PLPPR4: variants seen among roughly 807,000 people sequenced by gnomAD.
The protein encoded by PLPPR4 is phospholipid phosphatase-related protein type 4.
PLPPR4 carries 24 observed loss-of-function variants against 56.6 expected under a neutral mutation model. The ratio of observed to expected loss-of-function variants is 0.42; its 90% CI spans 0.31 to 0.60. PLPPR4 has a LOEUF of 0.60. Among genes scored for constraint, PLPPR4 ranks in the 20% least tolerant of loss-of-function variants. The probability of loss-of-function intolerance (pLI) is 0.13; values close to 1 mark genes in which losing one functional copy is unlikely to be tolerated. For synonymous variants in PLPPR4, 326 were observed against 328.1 expected (o/e 0.99, Z 0.07); for missense variants, 654 against 885.8 (o/e 0.74, Z 3.32).
chr1:99,267,827 G>A (rs1450115871), intron 1 of PLPPR4, among the ~76,000 whole-genome samples: 1 of 152,200 alleles, frequency 6.6e-6, no homozygotes, highest in African/African-American at 2.4e-5. Context: ...AATGGGGAGA[G>A]TGAAGTACTA....
intron 4 of PLPPR4, among the ~76,000 whole-genome samples, 167 bp downstream of exon 4, chr1:99,299,397 C>T (rs543580307): frequency 1.6e-4 from 25 of 152,082 alleles, no homozygotes; most frequent in Middle Eastern, 3.4e-3. Context: ...TCATTGGGGG[C>T]TTATTCCAAA....
intron 2 of PLPPR4, among the ~76,000 whole-genome samples, chr1:99,290,019 G>T (rs1036132144): frequency 2.0e-5 from 3 of 152,058 alleles, no homozygotes; most frequent in African/African-American, 7.2e-5. Context: ...TCACCAGATG[G>T]CATGATCCAA....
chr1:99,264,446 C>T, upstream of PLPPR4: 10 of 1,482,280 alleles, frequency 6.7e-6, 1 homozygote, highest in Non-Finnish European at 5.3e-6. Context: ...GGCGGGGGCG[C>T]TGCATGCAGC....
At chr1:99,276,094 A>C (rs72978845) in intron 1 of PLPPR4, among the ~76,000 whole-genome samples, 2,342 of 152,258 alleles carry the variant, frequency 0.015, 72 homozygotes, top group African/African-American at 0.054. Context: ...TCTCTTTTAC[A>C]TACACCAAGC....
chr1:99,301,458 G>A (rs1010010279), intron 5 of PLPPR4, among the ~76,000 whole-genome samples: 7 of 152,040 alleles, frequency 4.6e-5, no homozygotes, highest in Admixed American at 4.6e-4. Flanking sequence ...GAAATTATAC[G>A]ACAAGTAACA....
chr1:99,277,486 G>A (rs1659219105), intron 1 of PLPPR4, among the ~76,000 whole-genome samples: 1 of 152,142 alleles, frequency 6.6e-6, no homozygotes, highest in Admixed American at 6.6e-5. Context: ...CAAGACAAAT[G>A]TTTTCCTTGC....
intron 1 of PLPPR4, among the ~76,000 whole-genome samples, chr1:99,267,057 A>G (rs1379793918): frequency 1.3e-5 from 2 of 152,282 alleles, no homozygotes; most frequent in Admixed American, 6.5e-5. Flanking sequence ...CTTCCATCAC[A>G]TATCAGTCTA....
chr1:99,298,783 T>TAAG, intron 3 of PLPPR4: 1 of 609,562 alleles, frequency 1.6e-6, no homozygotes, highest in South Asian at 2.1e-5. Context: ...CAGTTAATGT[T>TAAG]AAGAATTGGC....
chr1:99,278,238 C>G (rs1659241229), intron 1 of PLPPR4, among the ~76,000 whole-genome samples: 1 of 152,090 alleles, frequency 6.6e-6, no homozygotes, highest in African/African-American at 2.4e-5. Context: ...ATCCAGCTAA[C>G]AAGCTGTATA....
intron 2 of PLPPR4, among the ~76,000 whole-genome samples, chr1:99,296,285 C>T (rs1032938010): frequency 1.3e-4 from 20 of 152,136 alleles, no homozygotes; most frequent in African/African-American, 4.8e-4. Context: ...TTCAGCTACT[C>T]ATTTGCAGTA....
intron 3 of PLPPR4, among the ~76,000 whole-genome samples, chr1:99,298,218 C>A (rs1659791708): frequency 6.6e-6 from 1 of 152,074 alleles, no homozygotes; most frequent in Non-Finnish European, 1.5e-5. Context: ...AATCAGAATG[C>A]AAGCTGTCAA....
At chr1:99,268,763 C>T (rs986310851) in intron 1 of PLPPR4, among the ~76,000 whole-genome samples, 1 of 152,122 alleles carries the variant, frequency 6.6e-6, no homozygotes, top group African/African-American at 2.4e-5. Flanking sequence ...CATACCCACA[C>T]CTTATTAGGA....
At chr1:99,273,375 T>C (rs1205271274) in intron 1 of PLPPR4, among the ~76,000 whole-genome samples, 1 of 152,062 alleles carries the variant, frequency 6.6e-6, no homozygotes, top group Non-Finnish European at 1.5e-5. Flanking sequence ...AAGGTAAACA[T>C]GGAATCATAC....
chr1:99,303,333 G>T (rs1659933886), intron 6 of PLPPR4, among the ~76,000 whole-genome samples: 1 of 152,166 alleles, frequency 6.6e-6, no homozygotes, highest in African/African-American at 2.4e-5. Context: ...GTAAATGACA[G>T]ATGAAGCAGA....
In PLPPR4 at chr1:99,299,178, A is replaced by G. The variant is rs760649702; in HGVS notation, c.538A>G (p.Ile180Val). ...LNVSCKENSY[I>V]VEDICSGSDL... ...TGTATCTTGCAAAGAAAATTCCTAC[A>G]TTGTGGAAGATATTTGCTCAGGATC... The change falls in exon 4 of 7, where the codon ATT becomes GTT. Residue 180 changes from isoleucine to valine, a missense_variant. By Grantham distance (29) the Ile-to-Val change is conservative. This residue lies in a region of PLPPR4 where 186 missense variants were observed against 331.4 expected (regional missense o/e 0.56). Coordinates refer to ENST00000370185, the MANE Select transcript of PLPPR4 (RefSeq NM_014839.5). 1.2e-6 allele frequency: 2 copies of G among 1,613,382 alleles called. No individual in the cohort carries two copies. The highest frequency in any genetic ancestry group is 1.3e-5 in the African/African-American group (1 of 75,012).
At chr1:99,281,766 T>C (rs1336314328) in intron 1 of PLPPR4, among the ~76,000 whole-genome samples, 1 of 152,166 alleles carries the variant, frequency 6.6e-6, no homozygotes, top group East Asian at 1.9e-4. Context: ...ATGTATTCTG[T>C]TATTGTTTCA....
rs1210817405 is a variant in PLPPR4 at position 99,297,281 on chromosome 1, C to CA, written c.394+415dup. 3.3e-5 allele frequency among the ~76,000 whole-genome samples: 5 copies of CA among 152,106 alleles called. No homozygotes were observed. The East Asian group carries it at 9.6e-4, about 29-fold the overall frequency. On this transcript the variant is annotated intron_variant, in intron 3 of 6. Transcript: ENST00000370185. ...CATTTCAATTGTCCTGGAGTGTTTC[C>CA]ATCCAGAAGTTACTACACTTTGAAA... is the stretch of plus-strand genomic sequence containing the variant.
At position 99,306,085 on chromosome 1, in the gene PLPPR4, A is replaced by G; in HGVS notation, c.1223A>G (p.Glu408Gly). ...CTCACCCAGTGGAAGAATAAGAATG[A>G]AAGTCGAAAGTTGTCCTTGCAAGTT... Reference protein sequence around the residue: ...QLLTQWKNKNESRKLSLQVIE... With the variant: ...QLLTQWKNKNGSRKLSLQVIE... Residue 408 changes from glutamate (E) to glycine (G), a missense_variant, in exon 7 of 7, where the codon GAA becomes GGA. This residue lies in a region of PLPPR4 where 468 missense variants were observed against 554.3 expected (regional missense o/e 0.84). Coordinates refer to ENST00000370185, the MANE Select transcript of PLPPR4 (RefSeq NM_014839.5). This position sits in a 1 kb window ranked among gnomAD's most constrained non-coding sequence, Gnocchi z 4.0. 1 of 1,614,148 alleles carries G rather than the reference A, an allele frequency of 6.2e-7. No homozygotes were observed. The highest frequency in any genetic ancestry group is 8.5e-7 in the Non-Finnish European group (1 of 1,180,012).
At chr1:99,288,826 T>C (rs932555332) in intron 2 of PLPPR4, among the ~76,000 whole-genome samples, 17 of 152,148 alleles carry the variant, frequency 1.1e-4, no homozygotes, top group African/African-American at 4.1e-4. Flanking sequence ...CCTAATTACT[T>C]TGATATGATC....
Sources: gnomAD v4.1 joint callset for allele counts (sites outside exome capture counted in the v4.1 genomes callset) on GRCh38, gnomAD v4.1.1 for gene constraint, gnomAD v4.1.1 regional missense constraint, Gnocchi (gnomAD v3.1) non-coding constraint, MANE v1.5 for transcripts, NCBI Gene and HGNC (gene_info 2026-07-23, HGNC 2026-07-21) for gene names.